The following TTC23 variants were observed in gnomAD, a reference collection of about 807,000 sequenced individuals.
TTC23 encodes the protein tetratricopeptide repeat domain 23.
A neutral mutation model predicts 55.1 loss-of-function variants in TTC23; 58 were observed. That is an observed-to-expected ratio of 1.05 (90% confidence interval 0.85 to 1.31). The LOEUF (loss-of-function observed/expected upper bound fraction) is 1.31, where lower values mean the gene tolerates loss of function less well. TTC23 is among the 50% of genes most tolerant of loss of function. The probability of loss-of-function intolerance (pLI) is 0.00; values close to 1 mark genes in which losing one functional copy is unlikely to be tolerated. For missense variants in TTC23, 516 were observed against 534.4 expected, an observed-to-expected ratio of 0.97 and a Z score of 0.34; for synonymous variants, 203 against 199.9, an observed-to-expected ratio of 1.02 and a Z score of -0.13.
In TTC23 at chr15:99,166,486, C is replaced by CA. The variant is rs111695800; in HGVS notation, c.866-4620dup. Among the ~76,000 whole-genome samples the CA allele has an allele frequency of 8.4e-3, 1,277 of 152,252 alleles. 17 individuals are homozygous for CA. Among genetic ancestry groups the CA allele is most frequent in the African/African-American group, 0.027 (1,132 of 41,524 alleles). On this transcript the variant is annotated intron_variant, in intron 10 of 13. Transcript: ENST00000394132. ...CATATTTTCCAAAGAGGATGCTTGT[C>CA]AGTGTACGTGGACCTCCGGAAGAGG... is the stretch of plus-strand genomic sequence containing the variant.
intron 1 of TTC23, among the ~76,000 whole-genome samples, chr15:99,246,590 G>A (rs905485198): frequency 6.0e-5 from 9 of 150,814 alleles, no homozygotes; most frequent in African/African-American, 1.7e-4. Flanking sequence ...ACTCCAGCCC[G>A]GGTGACAGAG....
At chr15:99,201,145 A>G (rs2076165762) in intron 8 of TTC23, among the ~76,000 whole-genome samples, 1 of 152,214 alleles carries the variant, frequency 6.6e-6, no homozygotes, top group African/African-American at 2.4e-5. Flanking sequence ...CCAAACTTCT[A>G]TGAAAATGTG....
At chr15:99,163,512 A>T (rs1011718445) in intron 10 of TTC23, among the ~76,000 whole-genome samples, 1 of 152,232 alleles carries the variant, frequency 6.6e-6, no homozygotes, top group Non-Finnish European at 1.5e-5. Context: ...ACCACACCAG[A>T]CTTCTAACCT....
At chr15:99,144,723 C>T (rs2068628405) in intron 12 of TTC23, 2 of 152,094 alleles carry the variant, frequency 1.3e-5, no homozygotes, top group Non-Finnish European at 2.9e-5. Context: ...AAGCCAGGCT[C>T]GTCAAGCTAT....
chr15:99,226,075 C>T (rs1401554155), intron 5 of TTC23, among the ~76,000 whole-genome samples: 2 of 152,200 alleles, frequency 1.3e-5, no homozygotes, highest in African/African-American at 4.8e-5. Context: ...TCCAAGATAT[C>T]AAGATCATGA....
chr15:99,207,515 T>C lies in TTC23; in HGVS notation c.582-7419A>G, dbSNP rs535222116. On this transcript the variant is annotated intron_variant, in intron 8 of 13. Coordinates refer to ENST00000394132, the MANE Select transcript of TTC23 (RefSeq NM_001288615.3). ...AGCTCATGCCTGTAATCCCAGCACT[T>C]TGGGGAGGCCGAGGCAGGTGGATCA... 3.9e-5 allele frequency among the ~76,000 whole-genome samples: 6 copies of C among 152,320 alleles called. No homozygotes were observed. In the East Asian group the frequency reaches 7.7e-4, roughly 20 times the overall value.
chr15:99,227,897 G>A (rs914693391), intron 5 of TTC23, among the ~76,000 whole-genome samples: 3 of 152,132 alleles, frequency 2.0e-5, no homozygotes, highest in Non-Finnish European at 4.4e-5. Flanking sequence ...ACCACCTCCA[G>A]GCTCACTGTC....
chr15:99,229,008 A>ATGTATTACACACATACATACATGTATATG (rs2078709208), intron 4 of TTC23, among the ~76,000 whole-genome samples: 2 of 152,124 alleles, frequency 1.3e-5, no homozygotes, highest in African/African-American at 4.8e-5. Context: ...GTATATGTGT[A>ATGTATTACACACATACATACATGTATATG]TGTATTACAC....
chr15:99,166,259 T>C (rs2072067118), intron 10 of TTC23, among the ~76,000 whole-genome samples: 1 of 152,174 alleles, frequency 6.6e-6, no homozygotes, highest in South Asian at 2.1e-4. Flanking sequence ...TTCTTTGTAA[T>C]GTTCTCCCAC....
chr15:99,188,391 G>T lies in TTC23; in HGVS notation c.759+11528C>A, dbSNP rs112897699. ...TATGGAATTTCTTGAAAATACTCTGGAATTAAATAGTGGTAATGGTTACAA... is the reference window on the plus strand; with the variant it reads ...TATGGAATTTCTTGAAAATACTCTGTAATTAAATAGTGGTAATGGTTACAA... On this transcript the variant is annotated intron_variant, in intron 9 of 13. Transcript: ENST00000394132. 9.7e-3 allele frequency among the ~76,000 whole-genome samples: 1,479 copies of T among 151,926 alleles called. 11 individuals are homozygous for T. The highest frequency in any genetic ancestry group is 0.017 in the Non-Finnish European group (1,147 of 67,828).
intron 9 of TTC23, among the ~76,000 whole-genome samples, chr15:99,190,895 C>T (rs918292437): frequency 6.6e-6 from 1 of 152,162 alleles, no homozygotes; most frequent in Non-Finnish European, 1.5e-5. Flanking sequence ...AATCCTCCCA[C>T]CTCAGCCACC....
upstream of TTC23, among the ~76,000 whole-genome samples, chr15:99,250,272 G>A (rs928790582): frequency 3.3e-5 from 5 of 152,112 alleles, no homozygotes; most frequent in African/African-American, 1.2e-4. Flanking sequence ...CTGTATACCT[G>A]AATAGCTCTT....
chr15:99,154,865 C>T (rs1177257253), intron 12 of TTC23, among the ~76,000 whole-genome samples: 1 of 152,080 alleles, frequency 6.6e-6, no homozygotes, highest in East Asian at 1.9e-4. Context: ...AATAAAGAAT[C>T]ACTAGAGGCA....
intron 8 of TTC23, among the ~76,000 whole-genome samples, chr15:99,212,003 T>A (rs1270853688): frequency 6.6e-6 from 1 of 152,202 alleles, no homozygotes. Flanking sequence ...AGAGCCTACA[T>A]TGTTAATGAC....
At chr15:99,139,671 TAAAG>T (rs1202793479) in intron 12 of TTC23, 2 of 1,412,668 alleles carry the variant, frequency 1.4e-6, no homozygotes, top group African/African-American at 1.4e-5. Context: ...TTTTTAAAAA[TAAAG>T]GCAAGAACCT....
At chr15:99,187,860 TG>T (rs1053636554) in intron 9 of TTC23, among the ~76,000 whole-genome samples, 1 of 152,058 alleles carries the variant, frequency 6.6e-6, no homozygotes, top group African/African-American at 2.4e-5. Context: ...GGTGAGGATG[TG>T]GAGATATTGG....
chr15:99,197,405 T>C (rs2075834996), intron 9 of TTC23, among the ~76,000 whole-genome samples: 1 of 151,836 alleles, frequency 6.6e-6, no homozygotes, highest in South Asian at 2.1e-4. Flanking sequence ...CCCGGCCTGG[T>C]TTCTGTTCTT....
At chr15:99,184,324 G>A (rs1252792953) in intron 9 of TTC23, among the ~76,000 whole-genome samples, 3 of 152,090 alleles carry the variant, frequency 2.0e-5, no homozygotes, top group Non-Finnish European at 4.4e-5. Flanking sequence ...AGCTTGCACC[G>A]TGCTCTGGAA....
intron 8 of TTC23, among the ~76,000 whole-genome samples, chr15:99,202,221 G>T (rs569495534): frequency 2.6e-5 from 4 of 152,266 alleles, no homozygotes; most frequent in Admixed American, 2.6e-4. Flanking sequence ...AATGATTTCA[G>T]ATTTTTTTCC....
Sources: gnomAD v4.1 joint callset for allele counts (sites outside exome capture counted in the v4.1 genomes callset) on GRCh38, gnomAD v4.1.1 for gene constraint, MANE v1.5 for transcripts, NCBI Gene and HGNC (gene_info 2026-07-23, HGNC 2026-07-21) for gene names.